Variants in DBH observed in about 807,000 individuals in gnomAD.
DBH encodes dopamine beta-hydroxylase.
A neutral mutation model predicts 64.0 loss-of-function variants in DBH; 49 were observed. That is an observed-to-expected ratio of 0.77 (90% CI 0.61 to 0.97). The LOEUF (loss-of-function observed/expected upper bound fraction) is 0.97. DBH is among the 50% of genes least tolerant of loss of function. The pLI, the probability that DBH is intolerant of heterozygous loss-of-function variation, is 0.00. For missense variants in DBH, 828 were observed against 826.6 expected (o/e 1.00, Z -0.02); for synonymous variants, 343 against 347.1 (o/e 0.99, Z 0.13).
At chr9:133,641,585 C>T (rs374479736) in intron 2 of DBH, among the ~76,000 whole-genome samples, 10 of 152,240 alleles carry the variant, frequency 6.6e-5, no homozygotes, top group East Asian at 1.9e-4. Flanking sequence ...ACTTTCCACA[C>T]CCGATCCCCG....
In DBH at chr9:133,641,404, A is replaced by C. The variant is rs974123740; in HGVS notation, c.487-803A>C. On this transcript the variant is annotated intron_variant, in intron 2 of 11. Transcript: ENST00000393056. Reference sequence around the variant, plus strand: ...TGGAAGCACCTCACAGGGGGAGGCCAATGCCTGTGTGTGCTCAGCCCAGTG... The same window carrying C: ...TGGAAGCACCTCACAGGGGGAGGCCCATGCCTGTGTGTGCTCAGCCCAGTG... Among the ~76,000 whole-genome samples, 28 of 152,180 alleles carry C rather than the reference A, an allele frequency of 1.8e-4. 1 individual carries two copies. Among genetic ancestry groups the C allele is most frequent in the Non-Finnish European group, 3.7e-4 (25 of 68,018 alleles).
At position 133,658,312 on chromosome 9, in the gene DBH, G is replaced by T. The variant is rs761127004; in HGVS notation, c.1723-4G>T. On this transcript the variant is annotated splice_region_variant and splice_polypyrimidine_tract_variant and intron_variant, in intron 11 of 11. Coordinates refer to ENST00000393056, the MANE Select transcript of DBH (RefSeq NM_000787.4). ...CAGTTTACCTCCTGCCCCCTTCCTT[G>T]CAGGGTGAATGGAACCTGCAGCCCC... is the stretch of plus-strand genomic sequence containing the variant. The T allele has an allele frequency of 1.9e-6, 3 of 1,613,838 alleles. No individual in the cohort carries two copies. Among genetic ancestry groups the T allele is most frequent in the Middle Eastern group, 1.7e-4 (1 of 6,060 alleles).
chr9:133,650,418 C>T (rs896805823), intron 6 of DBH, among the ~76,000 whole-genome samples: 3 of 149,354 alleles, frequency 2.0e-5, no homozygotes, highest in South Asian at 2.1e-4. Flanking sequence ...TCAGGAAAGA[C>T]GTGTTCTTTT....
intron 5 of DBH, among the ~76,000 whole-genome samples, chr9:133,646,772 C>T (rs539045821): frequency 6.6e-6 from 1 of 152,318 alleles, no homozygotes; most frequent in Admixed American, 6.5e-5. Flanking sequence ...GATCCACACA[C>T]CTCGGCCTCC....
At chr9:133,637,375 G>A (rs1832065796) in intron 1 of DBH, among the ~76,000 whole-genome samples, 1 of 152,220 alleles carries the variant, frequency 6.6e-6, no homozygotes, top group African/African-American at 2.4e-5. Flanking sequence ...AACTGGAGGG[G>A]ACTTTAGGCC....
At chr9:133,652,901 AGGTGGCAGGTGCTGAT>A in intron 8 of DBH, 23 bp from the exon 9 acceptor site, 1 of 1,533,864 alleles carries the variant, frequency 6.5e-7, no homozygotes, top group Non-Finnish European at 9.0e-7. Context: ...TGCCAACGCC[AGGTGGCAGGTGCTGAT>A]GGTCACATTG....
intron 8 of DBH, 75 bp downstream of exon 8, chr9:133,652,359 A>G: frequency 6.5e-7 from 1 of 1,540,036 alleles, no homozygotes; most frequent in South Asian, 1.1e-5. Flanking sequence ...GGGTGCCACC[A>G]GAAGGAGAGG....
At chr9:133,639,539 C>T (rs989670057) in intron 1 of DBH, among the ~76,000 whole-genome samples, 8 of 152,206 alleles carry the variant, frequency 5.3e-5, no homozygotes, top group African/African-American at 1.4e-4. Flanking sequence ...CCGCCAGGCC[C>T]GGGAATGCCC....
At chr9:133,644,810 C>T (rs1435876190) in intron 5 of DBH, among the ~76,000 whole-genome samples, 2 of 152,196 alleles carry the variant, frequency 1.3e-5, no homozygotes, top group Non-Finnish European at 2.9e-5. Flanking sequence ...TCACCCATAC[C>T]TGAGGGTGGA....
At chr9:133,651,864 G>T in intron 7 of DBH, 87 bp downstream of exon 7, 2 of 1,362,100 alleles carry the variant, frequency 1.5e-6, no homozygotes, top group Non-Finnish European at 2.0e-6. Context: ...ACACCATAGG[G>T]ATGGCTCCAG....
chr9:133,653,978 G>A (rs1832281841), intron 9 of DBH, among the ~76,000 whole-genome samples: 1 of 152,192 alleles, frequency 6.6e-6, no homozygotes, highest in South Asian at 2.1e-4. Context: ...GCAGACCTGG[G>A]TTACAGCTAC....
At chr9:133,656,867 C>A (rs562942994) in intron 10 of DBH, among the ~76,000 whole-genome samples, 1 of 152,202 alleles carries the variant, frequency 6.6e-6, no homozygotes, top group African/African-American at 2.4e-5. Flanking sequence ...ATTACCCACC[C>A]GCCAAGGTGA....
Position 133,658,528 on chromosome 9 carries a change from C to T in DBH, c.*81C>T. 9 of 1,439,608 alleles carry T rather than the reference C, an allele frequency of 6.3e-6. No individual in the cohort carries two copies. Among genetic ancestry groups the T allele is most frequent in the East Asian group, 2.5e-5 (1 of 40,168 alleles). 89.2% of individuals were successfully genotyped at this position (1,439,608 alleles called of 1,614,324 possible). A position where few individuals can be genotyped will look rare whatever the true frequency, so the allele number is the denominator to read the frequency against. On this transcript the variant is annotated 3_prime_UTR_variant, in exon 12 of 12. Transcript: ENST00000393056. ...CTGTGCACTCTACTCTGCGACGATCCCCATGGAACAGCCCTGCACGCCCAG... is the reference window on the plus strand; with the variant it reads ...CTGTGCACTCTACTCTGCGACGATCTCCATGGAACAGCCCTGCACGCCCAG...
At chr9:133,641,529 C>A (rs1374933431) in intron 2 of DBH, among the ~76,000 whole-genome samples, 4 of 152,244 alleles carry the variant, frequency 2.6e-5, no homozygotes, top group African/African-American at 9.6e-5. Context: ...AAATTAGCCA[C>A]CCACACGGGT....
At chr9:133,647,626 C>A (rs894764198) in intron 5 of DBH, among the ~76,000 whole-genome samples, 1 of 152,194 alleles carries the variant, frequency 6.6e-6, no homozygotes, top group Non-Finnish European at 1.5e-5. Flanking sequence ...GTGAGTGTAG[C>A]CTGTTTGCGT....
chr9:133,640,130 C>A (rs1832101583), intron 2 of DBH, 138 bp downstream of exon 2: 1 of 1,187,074 alleles, frequency 8.4e-7, no homozygotes, highest in Non-Finnish European at 1.2e-6. Flanking sequence ...GAGAGAAAGC[C>A]AAGGAGGATG....
At chr9:133,651,560 A>C (rs555312754) in intron 6 of DBH, 74 bp from the exon 7 acceptor site, 1 of 1,591,870 alleles carries the variant, frequency 6.3e-7, no homozygotes, top group Non-Finnish European at 8.6e-7. Context: ...GCTGCTCCCT[A>C]CCGGGTCCTG....
intron 5 of DBH, among the ~76,000 whole-genome samples, chr9:133,646,102 G>A (rs1832177848): frequency 6.6e-6 from 1 of 152,140 alleles, no homozygotes; most frequent in South Asian, 2.1e-4. Flanking sequence ...CTATGTGTCT[G>A]TCCTGACTGC....
At chr9:133,642,515 G>T in intron 3 of DBH, 51 bp downstream of exon 3, 1 of 1,555,574 alleles carries the variant, frequency 6.4e-7, no homozygotes, top group Admixed American at 1.9e-5. Flanking sequence ...CCTTCCTCCC[G>T]GGCCTGGGTT....
Sources: gnomAD v4.1 joint callset for allele counts (sites outside exome capture counted in the v4.1 genomes callset) on GRCh38, gnomAD v4.1.1 for gene constraint, MANE v1.5 for transcripts, NCBI Gene and HGNC (gene_info 2026-07-23, HGNC 2026-07-21) for gene names.